Variants in FARP1 observed in about 807,000 individuals in gnomAD.
The protein encoded by FARP1 is FERM, ARHGEF and pleckstrin domain-containing protein 1.
In FARP1, 52 loss-of-function variants were observed where a neutral mutation model predicts 128.8. The observed-to-expected ratio is 0.40, with a 90% CI of 0.32 to 0.51. The LOEUF is 0.51. Among genes scored for constraint, FARP1 ranks in the 20% least tolerant of loss-of-function variants. The pLI is 0.45. For synonymous variants in FARP1, 580 were observed against 551.8 expected, an observed-to-expected ratio of 1.05 and a Z score of -0.72; for missense variants, 1,333 against 1,367.9, an observed-to-expected ratio of 0.97 and a Z score of 0.40.
chr13:98,238,404 A>G (rs1239991315), intron 2 of FARP1, among the ~76,000 whole-genome samples: 4 of 152,210 alleles, frequency 2.6e-5, no homozygotes, highest in Non-Finnish European at 5.9e-5. Context: ...ATACAGTAAT[A>G]ATACACATAC....
intron 8 of FARP1, among the ~76,000 whole-genome samples, chr13:98,386,201 T>TC (rs1890090815): frequency 5.9e-5 from 9 of 151,638 alleles, no homozygotes; most frequent in African/African-American, 1.9e-4. Context: ...TTTTTTTTTT[T>TC]TTTTTTTCAA....
rs1890031844 is a variant in FARP1 at position 98,384,734 on chromosome 13, G to C, written c.501G>C (p.Glu167Asp). ...ALLISHIVQS[E>D]IGDFDEALDR... Reference sequence around the variant, plus strand: ...TTTCTTTCTGTTTCTTTTTAGCTGAGATTGGGGATTTTGATGAAGCCTTGG... The same window carrying C: ...TTTCTTTCTGTTTCTTTTTAGCTGACATTGGGGATTTTGATGAAGCCTTGG... Residue 167 changes from glutamate to aspartate, a missense_variant, in exon 7 of 27, where the codon GAG becomes GAC. Coordinates refer to ENST00000319562, the MANE Select transcript of FARP1 (RefSeq NM_005766.4). 2 of 1,602,346 alleles carry C rather than the reference G, an allele frequency of 1.2e-6. No homozygotes were observed. Among genetic ancestry groups the C allele is most frequent in the African/African-American group, 2.7e-5 (2 of 74,674 alleles).
rs1893054985 is a variant in FARP1 at position 98,449,107 on chromosome 13, G to A, written c.*790G>A. The A allele has an allele frequency of 6.6e-6, 1 of 151,482 alleles. No individual in the cohort carries two copies. The highest frequency in any genetic ancestry group is 6.6e-5 in the Admixed American group (1 of 15,246). 9.4% of individuals were successfully genotyped at this position (151,482 alleles called of 1,614,324 possible). A position where few individuals can be genotyped will look rare whatever the true frequency, so the allele number is the denominator to read the frequency against. The stretch of plus-strand genomic sequence containing the variant: ...AGATAATAAGCCGTGGTGTTTTGCT[G>A]TCTGTCTGTGTCACAAGCATGAAAA... On this transcript the variant is annotated 3_prime_UTR_variant, in exon 27 of 27. Coordinates refer to ENST00000319562, the MANE Select transcript of FARP1 (RefSeq NM_005766.4).
rs58658962 is a variant in FARP1 at position 98,373,533 on chromosome 13, G to GACACACACACACACACAC, written c.399-4256_399-4239dup. ...TTGACTTTCCAGAGACAGACAGACA[G>GACACACACACACACACAC]ACACACACACACACACACACACACA... On this transcript the variant is annotated intron_variant, in intron 5 of 26. Coordinates refer to ENST00000319562, the MANE Select transcript of FARP1 (RefSeq NM_005766.4). Among the ~76,000 whole-genome samples the GACACACACACACACACAC allele has an allele frequency of 8.9e-3, 1,165 of 131,004 alleles. 13 individuals carry two copies. Among genetic ancestry groups the GACACACACACACACACAC allele is most frequent in the Middle Eastern group, 0.021 (5 of 238 alleles). 85.9% of individuals were successfully genotyped at this position (131,004 alleles called of 152,430 possible).
chr13:98,388,380 T>C lies in FARP1; in HGVS notation c.760-3T>C, dbSNP rs1171036554. 6.8e-6 allele frequency: 11 copies of C among 1,612,140 alleles called. No homozygotes were observed. The highest frequency in any genetic ancestry group is 8.5e-6 in the Non-Finnish European group (10 of 1,178,144). On this transcript the variant is annotated splice_polypyrimidine_tract_variant and splice_region_variant and intron_variant, in intron 8 of 26. Coordinates refer to ENST00000319562, the MANE Select transcript of FARP1 (RefSeq NM_005766.4). ...GGCTCACTGCTACTGTCTTTCTTTT[T>C]AGGGTTTCACTAAGATCAATGCCTT... is the stretch of plus-strand genomic sequence containing the variant.
At chr13:98,193,086 C>T (rs868243181) in intron 1 of FARP1, among the ~76,000 whole-genome samples, 7 of 148,162 alleles carry the variant, frequency 4.7e-5, no homozygotes, top group Admixed American at 6.8e-5. Flanking sequence ...GAGATGGAGT[C>T]TCACTCTGTT....
intron 17 of FARP1, among the ~76,000 whole-genome samples, chr13:98,426,953 C>T (rs192215458): frequency 1.3e-5 from 2 of 152,230 alleles, no homozygotes; most frequent in East Asian, 1.9e-4. Context: ...ACAGAGTTCT[C>T]GTATTCTTCC....
At chr13:98,248,928 T>C (rs533046498) in intron 2 of FARP1, among the ~76,000 whole-genome samples, 21 of 151,952 alleles carry the variant, frequency 1.4e-4, no homozygotes, top group African/African-American at 5.1e-4. Context: ...AGAAAACGGG[T>C]GTTAGGGAAG....
intron 25 of FARP1, 110 bp from the exon 26 acceptor site, chr13:98,446,556 A>AG: frequency 8.6e-7 from 1 of 1,158,786 alleles, no homozygotes; most frequent in Admixed American, 1.9e-5. Flanking sequence ...CCCACGCCCG[A>AG]GGAGGGAGCT....
intron 1 of FARP1, chr13:98,175,874 A>C (rs1714976900): frequency 2.4e-6 from 1 of 420,218 alleles, no homozygotes; most frequent in African/African-American, 2.0e-5. Context: ...GATCAGTTTA[A>C]ATCTTTAAAA....
intron 1 of FARP1, among the ~76,000 whole-genome samples, chr13:98,147,282 T>G (rs1875642938): frequency 6.6e-6 from 1 of 152,242 alleles, no homozygotes; most frequent in Admixed American, 6.5e-5. Context: ...GCATGCTCAG[T>G]GCTGCCTGCA....
intron 1 of FARP1, among the ~76,000 whole-genome samples, chr13:98,183,233 CT>C (rs1416422069): frequency 6.6e-6 from 1 of 152,104 alleles, no homozygotes; most frequent in Non-Finnish European, 1.5e-5. Context: ...TTTACAGAAG[CT>C]TACACTATGT....
chr13:98,287,864 C>T (rs1195720723), intron 2 of FARP1, among the ~76,000 whole-genome samples: 1 of 146,004 alleles, frequency 6.8e-6, no homozygotes, highest in Non-Finnish European at 1.5e-5. Context: ...TGCAGTGGCA[C>T]GGTCTCGGCT....
rs1249333837 is a variant in FARP1, at chr13:98,213,300, T to A, written c.58T>A (p.Ser20Thr). The change falls in exon 2 of 27, where the codon TCG (serine) becomes ACG (threonine). Residue 20 changes from serine (S) to threonine (T), a missense_variant. By Grantham distance (58) the Ser-to-Thr change is moderately conservative. This residue lies in a region of FARP1 where 324 missense variants were observed against 398.1 expected (regional missense o/e 0.81). Transcript: ENST00000319562. The stretch of plus-strand genomic sequence containing the variant: ...ATCACGACTGGGGGCCCCGGAAAAT[T>A]CGGGGATCAGTACCTTGGAACGTGG... ...PGSRLGAPEN[S>T]GISTLERGQK... 6.2e-7 allele frequency: 1 copy of A among 1,613,984 alleles called. No individual in the cohort carries two copies. The highest frequency in any genetic ancestry group is 8.5e-7 in the Non-Finnish European group (1 of 1,179,962).
intron 13 of FARP1, chr13:98,400,605 T>A (rs1385390527): frequency 1.3e-5 from 2 of 152,216 alleles, no homozygotes; most frequent in Non-Finnish European, 2.9e-5. Context: ...TTTATGTTGG[T>A]TTTATTTGCT....
Position 98,390,115 on chromosome 13 carries a change from G to A in FARP1, c.1014G>A (p.Arg338=), listed in dbSNP as rs749081296. The A allele has an allele frequency of 1.9e-6, 3 of 1,613,104 alleles. No individual in the cohort carries two copies. The South Asian group carries it at 3.3e-5, about 18-fold the overall frequency. The part of the protein sequence containing the change: ...PVLFSRGSSF[R]FSGRTQKQVL... Reference sequence around the variant, plus strand: ...TCTTTAGCCGGGGGTCATCATTTCGGTTCAGGTGAGGTCGCCACTTTGTGC... The same window carrying A: ...TCTTTAGCCGGGGGTCATCATTTCGATTCAGGTGAGGTCGCCACTTTGTGC... The change falls in exon 10 of 27, where the codon CGG becomes CGA. Residue 338 remains arginine (R), a synonymous_variant. Coordinates refer to ENST00000319562, the MANE Select transcript of FARP1 (RefSeq NM_005766.4).
rs1890487985 is a variant in FARP1 at position 98,395,409 on chromosome 13, G to A, written c.1347G>A (p.Glu449=). 1 of 1,611,256 alleles carries A rather than the reference G, an allele frequency of 6.2e-7. No individual in the cohort carries two copies. Among genetic ancestry groups the A allele is most frequent in the Non-Finnish European group, 8.5e-7 (1 of 1,178,772 alleles). The change falls in exon 13 of 27, where the codon GAG becomes GAA. Residue 449 remains glutamate (E), a synonymous_variant. Coordinates refer to ENST00000319562, the MANE Select transcript of FARP1 (RefSeq NM_005766.4). ...QADGAASAPT[E]EEEEVVKDRT... Reference sequence around the variant, plus strand: ...ACGGAGCCGCCTCGGCGCCCACGGAGGAAGAGGAGGAGGTCGTTAAGGATA... The same window carrying A: ...ACGGAGCCGCCTCGGCGCCCACGGAAGAAGAGGAGGAGGTCGTTAAGGATA...
chr13:98,201,120 G>A (rs985168501), intron 1 of FARP1, among the ~76,000 whole-genome samples: 1 of 152,116 alleles, frequency 6.6e-6, no homozygotes, highest in Non-Finnish European at 1.5e-5. Context: ...GTACCCATTA[G>A]CCAACTCAAA....
chr13:98,351,034 C>T (rs1011317792), intron 3 of FARP1, among the ~76,000 whole-genome samples: 12 of 150,350 alleles, frequency 8.0e-5, no homozygotes, highest in Non-Finnish European at 1.8e-4. Flanking sequence ...TGCCCAGCCT[C>T]GCCTCCCCTG....
Sources: allele counts gnomAD v4.1 joint callset (sites outside exome capture counted in the v4.1 genomes callset), GRCh38; gene constraint gnomAD v4.1.1; regional missense constraint gnomAD v4.1.1; transcripts MANE v1.5; gene names NCBI Gene and HGNC (gene_info 2026-07-23, HGNC 2026-07-21).